LSM6: variants seen among roughly 807,000 people sequenced by gnomAD.
The protein encoded by LSM6 is U6 snRNA-associated Sm-like protein LSm6.
LSM6 carries 2 observed loss-of-function variants against 13.5 expected under a neutral mutation model. The observed-to-expected ratio is 0.15, with a 90% CI of 0.06 to 0.47. The LOEUF is 0.47. Among genes scored for constraint, LSM6 ranks in the 20% least tolerant of loss-of-function variants. The pLI, the probability that LSM6 is intolerant of heterozygous loss-of-function variation, is 0.97. For missense variants in LSM6, 58 were observed against 96.4 expected (o/e 0.60, Z 1.67); for synonymous variants, 43 against 34.9 (o/e 1.23, Z -0.82).
intron 3 of LSM6, 123 bp from the exon 4 acceptor site, chr4:146,189,499 A>T: frequency 1.5e-6 from 1 of 665,028 alleles, no homozygotes; most frequent in East Asian, 2.8e-5. Flanking sequence ...ATTGAATGAT[A>T]CGAGAATTCC....
At chr4:146,178,480 C>T (rs1335647270) in intron 1 of LSM6, among the ~76,000 whole-genome samples, 1 of 152,208 alleles carries the variant, frequency 6.6e-6, no homozygotes, top group Admixed American at 6.5e-5. Context: ...ATTTAGAGAG[C>T]TGTTCTTCTG....
rs188598624 is a variant in LSM6 at position 146,186,553 on chromosome 4, T to G, written c.95-721T>G. Among the ~76,000 whole-genome samples, 6 of 152,346 alleles carry G rather than the reference T, an allele frequency of 3.9e-5. No homozygotes were observed. In the East Asian group the frequency reaches 9.6e-4, roughly 24 times the overall value. On this transcript the variant is annotated intron_variant, in intron 2 of 3. Transcript: ENST00000296581. The stretch of plus-strand genomic sequence containing the variant: ...TATACCATCTTAACACAATTAAAGA[T>G]TGACTCAAACTGTTTCCTTGAAAGC...
At chr4:146,183,153 T>A in intron 2 of LSM6, 138 bp downstream of exon 2, 1 of 577,554 alleles carries the variant, frequency 1.7e-6, no homozygotes, top group Admixed American at 2.9e-5. Context: ...TATATCTTTT[T>A]CTATCTCTGA....
In LSM6 at chr4:146,180,007, G is replaced by A. The variant is rs76710604; in HGVS notation, c.-10-2905G>A. Among the ~76,000 whole-genome samples the A allele has an allele frequency of 9.2e-3, 1,399 of 152,316 alleles. 26 individuals are homozygous for A. Among genetic ancestry groups the A allele is most frequent in the African/African-American group, 0.031 (1,292 of 41,578 alleles). On this transcript the variant is annotated intron_variant, in intron 1 of 3. Transcript: ENST00000296581. ...TGTGAATGTGGCACAGCTCCCTGCC[G>A]CAGAGGCGTCTCCTCCTTGCCTATG...
At position 146,191,211 on chromosome 4, in the gene LSM6, C is replaced by T. The variant is rs1324715438; in HGVS notation, c.*1555C>T. Reference sequence around the variant, plus strand: ...TCTTTTAAGGAGAAAATGGATGGCTCTCCAAGTGGAGCATACATGTTCTCA... The same window carrying T: ...TCTTTTAAGGAGAAAATGGATGGCTTTCCAAGTGGAGCATACATGTTCTCA... On this transcript the variant is annotated 3_prime_UTR_variant, in exon 4 of 4. Coordinates refer to ENST00000296581, the MANE Select transcript of LSM6 (RefSeq NM_007080.3). 1.3e-5 allele frequency: 2 copies of T among 152,172 alleles called. No homozygotes were observed. Among genetic ancestry groups the T allele is most frequent in the African/African-American group, 4.8e-5 (2 of 41,430 alleles). The allele number at this position is 152,172 out of a possible 1,614,324, so 9.4% of individuals were successfully genotyped here.
intron 1 of LSM6, chr4:146,181,062 G>T (rs558443169): frequency 3.9e-5 from 6 of 152,316 alleles, no homozygotes; most frequent in South Asian, 2.1e-4. Flanking sequence ...AGTTGTAATA[G>T]TAGTTGTAAT....
chr4:146,189,611 T>C lies in LSM6; in HGVS notation c.209-11T>C. On this transcript the variant is annotated splice_polypyrimidine_tract_variant and intron_variant, in intron 3 of 3. Transcript: ENST00000296581. ...TTTTAAATTTCAATTTATGTATTTT[T>C]TTCTTTTCAGTGTTGTACATCAGTA... 2 of 1,576,310 alleles carry C rather than the reference T, an allele frequency of 1.3e-6. No individual in the cohort carries two copies. The highest frequency in any genetic ancestry group is 1.7e-6 in the Non-Finnish European group (2 of 1,154,270).
chr4:146,189,567 T>C, intron 3 of LSM6, 55 bp from the exon 4 acceptor site: 1 of 1,143,488 alleles, frequency 8.7e-7, no homozygotes, highest in Non-Finnish European at 1.3e-6. Flanking sequence ...TGCTACTATG[T>C]ATACTTACAA....
chr4:146,179,993 C>A (rs1258073818), intron 1 of LSM6, among the ~76,000 whole-genome samples: 1 of 152,238 alleles, frequency 6.6e-6, no homozygotes, highest in Non-Finnish European at 1.5e-5. Context: ...GTGAATGTGG[C>A]ACAGCTCCCT....
intron 1 of LSM6, among the ~76,000 whole-genome samples, chr4:146,180,577 CT>C (rs1382453390): frequency 6.6e-6 from 1 of 152,162 alleles, no homozygotes; most frequent in African/African-American, 2.4e-5. Flanking sequence ...CTCTTTCCAG[CT>C]TTTGCTTTTC....
At position 146,184,582 on chromosome 4, in the gene LSM6, C is replaced by T. The variant is rs143943539; in HGVS notation, c.94+1567C>T. ...GTCTCCGTGTACTGCCTCTCACCTG[C>T]GAACTTTTGATGATGGGCCCATAGG... On this transcript the variant is annotated intron_variant, in intron 2 of 3. Coordinates refer to ENST00000296581, the MANE Select transcript of LSM6 (RefSeq NM_007080.3). Among the ~76,000 whole-genome samples the T allele has an allele frequency of 6.6e-4, 100 of 152,180 alleles. No homozygotes were observed. In the South Asian group the frequency reaches 6.6e-3, roughly 10 times the overall value.
intron 1 of LSM6, 137 bp from the exon 2 acceptor site, chr4:146,182,775 A>G: frequency 1.7e-6 from 1 of 583,438 alleles, no homozygotes; most frequent in Non-Finnish European, 3.1e-6. Flanking sequence ...ATGTAGTAGC[A>G]GTGGAGTAAT....
At chr4:146,179,196 T>C (rs1424488470) in intron 1 of LSM6, among the ~76,000 whole-genome samples, 2 of 152,206 alleles carry the variant, frequency 1.3e-5, no homozygotes, top group African/African-American at 4.8e-5. Flanking sequence ...AGAGTGATTA[T>C]GACTTTAATT....
chr4:146,178,965 T>G (rs3775498), intron 1 of LSM6, among the ~76,000 whole-genome samples: 47,046 of 152,092 alleles, frequency 0.31, 7,593 homozygotes, highest in Middle Eastern at 0.38. Flanking sequence ...TGAATCTAAC[T>G]CTGGTAGCAC....
At chr4:146,183,738 ATTT>A (rs145493883) in intron 2 of LSM6, 2 of 139,826 alleles carry the variant, frequency 1.4e-5, no homozygotes, top group Non-Finnish European at 3.3e-5. Flanking sequence ...CATTTTTTGT[ATTT>A]TTTTTATTAT....
chr4:146,187,209 A>G, intron 2 of LSM6, 65 bp from the exon 3 acceptor site: 1 of 821,272 alleles, frequency 1.2e-6, no homozygotes, highest in Non-Finnish European at 2.1e-6. Flanking sequence ...GCTCTAAGGT[A>G]TACCCTGTAA....
chr4:146,179,289 T>C (rs1730179945), intron 1 of LSM6, among the ~76,000 whole-genome samples: 1 of 152,250 alleles, frequency 6.6e-6, no homozygotes, highest in South Asian at 2.1e-4. Context: ...GACTCATCTC[T>C]TGCTTCAGAA....
At chr4:146,183,942 G>A (rs1053898056) in intron 2 of LSM6, among the ~76,000 whole-genome samples, 3 of 148,798 alleles carry the variant, frequency 2.0e-5, no homozygotes, top group Admixed American at 6.8e-5. Context: ...GCGCGATCTC[G>A]GCTCACTGCA....
intron 2 of LSM6, among the ~76,000 whole-genome samples, chr4:146,186,735 G>T (rs1233913538): frequency 1.3e-5 from 2 of 152,138 alleles, no homozygotes; most frequent in Non-Finnish European, 2.9e-5. Flanking sequence ...GTTCTTTCGG[G>T]AGCACCTGCT....
Sources: allele counts gnomAD v4.1 joint callset (sites outside exome capture counted in the v4.1 genomes callset), GRCh38; gene constraint gnomAD v4.1.1; transcripts MANE v1.5; gene names NCBI Gene and HGNC (gene_info 2026-07-23, HGNC 2026-07-21).